Variants in PDLIM5 observed in about 807,000 individuals in gnomAD.
PDLIM5 encodes PDZ and LIM domain 5.
In PDLIM5, 34 loss-of-function variants were observed where a neutral mutation model predicts 64.2. That is an observed-to-expected ratio of 0.53 (90% CI 0.40 to 0.71). The LOEUF (loss-of-function observed/expected upper bound fraction) is 0.71. Ranked by LOEUF, PDLIM5 falls within the 30% of genes least tolerant of loss-of-function variation. The probability of loss-of-function intolerance (pLI) is 0.00; values close to 1 mark genes in which losing one functional copy is unlikely to be tolerated. For missense variants in PDLIM5, 683 were observed against 733.6 expected, an observed-to-expected ratio of 0.93 and a Z score of 0.80; for synonymous variants, 253 against 269.1, an observed-to-expected ratio of 0.94 and a Z score of 0.59.
At chr4:94,481,348 G>T (rs1252386478) in intron 2 of PDLIM5, among the ~76,000 whole-genome samples, 1 of 148,528 alleles carries the variant, frequency 6.7e-6, no homozygotes, top group African/African-American at 2.5e-5. Context: ...GGAGTGCAGT[G>T]GTGCGATCTC....
chr4:94,525,439 A>G (rs6842612), intron 3 of PDLIM5, among the ~76,000 whole-genome samples: 1 of 105,430 alleles, frequency 9.5e-6, no homozygotes, highest in Non-Finnish European at 2.0e-5. Flanking sequence ...AAAAAATATT[A>G]AAAAAAAAGA....
At position 94,532,765 on chromosome 4, in the gene PDLIM5, G is replaced by T. The variant is rs186818294; in HGVS notation, c.248+8890G>T. Reference sequence around the variant, plus strand: ...TGTAATTCCAGAACTTTGGGAGGCCGTGGTGGGCAGATCATTTGAGGTCAG... The same window carrying T: ...TGTAATTCCAGAACTTTGGGAGGCCTTGGTGGGCAGATCATTTGAGGTCAG... On this transcript the variant is annotated intron_variant, in intron 3 of 12. Transcript: ENST00000317968. Among the ~76,000 whole-genome samples the T allele has an allele frequency of 2.1e-3, 322 of 152,262 alleles. 2 individuals carry two copies. Among genetic ancestry groups the T allele is most frequent in the African/African-American group, 7.0e-3 (290 of 41,552 alleles).
intron 11 of PDLIM5, 31 bp from the exon 12 acceptor site, chr4:94,662,391 A>G: frequency 9.9e-7 from 1 of 1,012,670 alleles, no homozygotes; most frequent in Non-Finnish European, 1.6e-6. Flanking sequence ...ATCATGTTTA[A>G]ATTATGTCTC....
chr4:94,653,991 A>G (rs915974452), intron 9 of PDLIM5, among the ~76,000 whole-genome samples: 4 of 152,124 alleles, frequency 2.6e-5, no homozygotes, highest in African/African-American at 9.7e-5. Context: ...GTCTCAGGTA[A>G]TAGTTATTAC....
intron 3 of PDLIM5, among the ~76,000 whole-genome samples, chr4:94,551,868 A>G (rs956677305): frequency 6.6e-6 from 1 of 152,204 alleles, no homozygotes; most frequent in Non-Finnish European, 1.5e-5. Flanking sequence ...CCAAGATGAT[A>G]TGGAGAAGTG....
chr4:94,604,708 G>A (rs1400627746), intron 7 of PDLIM5, among the ~76,000 whole-genome samples: 1 of 152,118 alleles, frequency 6.6e-6, no homozygotes, highest in Non-Finnish European at 1.5e-5. Flanking sequence ...AGGGGGAGGG[G>A]GAAGGGGTAG....
chr4:94,479,432 A>G (rs543686258), intron 2 of PDLIM5, among the ~76,000 whole-genome samples: 125 of 151,182 alleles, frequency 8.3e-4, no homozygotes, highest in Non-Finnish European at 1.6e-3. Context: ...GGCTCAAGTA[A>G]TCTTCCCACT....
chr4:94,601,023 A>C (rs78601550), intron 7 of PDLIM5, among the ~76,000 whole-genome samples: 8,245 of 152,298 alleles, frequency 0.054, 330 homozygotes, highest in South Asian at 0.11. Flanking sequence ...ATAAAGCCAT[A>C]GTTTGAAAGA....
intron 7 of PDLIM5, among the ~76,000 whole-genome samples, chr4:94,594,865 C>G (rs1321475006): frequency 6.6e-6 from 1 of 152,000 alleles, no homozygotes; most frequent in Non-Finnish European, 1.5e-5. Context: ...TCTGATTTTT[C>G]ACATATTTAT....
At chr4:94,620,879 C>A (rs1418166996) in intron 8 of PDLIM5, among the ~76,000 whole-genome samples, 1 of 151,488 alleles carries the variant, frequency 6.6e-6, no homozygotes, top group East Asian at 1.9e-4. Context: ...ATCAAGATCA[C>A]CTGATGGGTA....
chr4:94,478,890 GTTTTTTTT>G (rs67013211), intron 2 of PDLIM5, among the ~76,000 whole-genome samples: 1,888 of 94,086 alleles, frequency 0.02, 51 homozygotes, highest in African/African-American at 0.07. Context: ...TGTGCTTGGT[GTTTTTTTT>G]TTTTTTTTTT....
intron 3 of PDLIM5, among the ~76,000 whole-genome samples, chr4:94,564,673 T>TGG (rs1734145761): frequency 3.5e-5 from 5 of 144,860 alleles, no homozygotes; most frequent in African/African-American, 1.4e-4. Context: ...TTTTTTTTTT[T>TGG]TTGACAGAGT....
chr4:94,640,291 G>T lies in PDLIM5; in HGVS notation c.1124G>T (p.Arg375Ile), dbSNP rs762737338. The T allele has an allele frequency of 1.2e-6, 2 of 1,605,590 alleles. No homozygotes were observed. Among genetic ancestry groups the T allele is most frequent in the Non-Finnish European group, 1.7e-6 (2 of 1,174,032 alleles). Residue 375 changes from arginine (R) to isoleucine (I), a missense_variant, in exon 9 of 13, where the codon AGA becomes ATA. Coordinates refer to ENST00000317968, the MANE Select transcript of PDLIM5 (RefSeq NM_006457.5). ...TAACTCCTAGTACCTTCCACTGGAAGAATCTCAAACAGCGCTACTTACTCA... is the reference window on the plus strand; with the variant it reads ...TAACTCCTAGTACCTTCCACTGGAATAATCTCAAACAGCGCTACTTACTCA... Reference protein sequence around the residue: ...RPNQGVPSTGRISNSATYSGS... With the variant: ...RPNQGVPSTGIISNSATYSGS...
intron 3 of PDLIM5, among the ~76,000 whole-genome samples, chr4:94,548,010 T>C (rs1323620933): frequency 6.6e-6 from 1 of 152,202 alleles, no homozygotes; most frequent in Non-Finnish European, 1.5e-5. Context: ...CCCATCCTTA[T>C]CTATCATCAA....
chr4:94,458,803 G>A (rs11935012), intron 2 of PDLIM5, among the ~76,000 whole-genome samples: 3,363 of 152,140 alleles, frequency 0.022, 95 homozygotes, highest in African/African-American at 0.07. Flanking sequence ...ACATTTTCAC[G>A]TTGGACTCAA....
intron 5 of PDLIM5, among the ~76,000 whole-genome samples, chr4:94,580,813 A>G (rs1453626833): frequency 6.6e-6 from 1 of 151,978 alleles, no homozygotes; most frequent in African/African-American, 2.4e-5. Context: ...GCCTTTCCCT[A>G]TATCATCTGC....
intron 7 of PDLIM5, among the ~76,000 whole-genome samples, chr4:94,591,859 C>A (rs116146172): frequency 0.041 from 6,200 of 152,328 alleles, 163 homozygotes; most frequent in Admixed American, 0.055. Context: ...AGAACCTGAT[C>A]TGCAAAAGAA....
chr4:94,516,508 GTCTCTCTC>G (rs3838638), intron 2 of PDLIM5, among the ~76,000 whole-genome samples: 15 of 149,906 alleles, frequency 1.0e-4, no homozygotes, highest in East Asian at 4.0e-4. Flanking sequence ...ATCCAAAGCA[GTCTCTCTC>G]TCTCTCTCTC....
At position 94,666,387 on chromosome 4, in the gene PDLIM5, G is replaced by A. The variant is rs1374770100; in HGVS notation, c.*2320G>A. Reference sequence around the variant, plus strand: ...CTCCTCACCCTGCATCTTGGAGGGAGGCAGGAAATTTCTTTTGAAATAAAG... The same window carrying A: ...CTCCTCACCCTGCATCTTGGAGGGAAGCAGGAAATTTCTTTTGAAATAAAG... On this transcript the variant is annotated 3_prime_UTR_variant, in exon 13 of 13. Coordinates refer to ENST00000317968, the MANE Select transcript of PDLIM5 (RefSeq NM_006457.5). The A allele has an allele frequency of 1.9e-5, 4 of 210,572 alleles. No individual in the cohort carries two copies. Among genetic ancestry groups the A allele is most frequent in the African/African-American group, 9.1e-5 (4 of 43,768 alleles). 13.0% of individuals were successfully genotyped at this position (210,572 alleles called of 1,614,324 possible).
Sources: allele counts gnomAD v4.1 joint callset (sites outside exome capture counted in the v4.1 genomes callset), GRCh38; gene constraint gnomAD v4.1.1; transcripts MANE v1.5; gene names NCBI Gene and HGNC (gene_info 2026-07-23, HGNC 2026-07-21).